RAD51C: variants seen among roughly 807,000 people sequenced by gnomAD.
The protein encoded by RAD51C is DNA repair protein RAD51 homolog 3.
RAD51C carries 42 observed loss-of-function variants against 45.0 expected under a neutral mutation model. The observed-to-expected ratio is 0.93, with a 90% CI of 0.73 to 1.21. RAD51C has a LOEUF of 1.21. Ranked by LOEUF, RAD51C falls within the 50% of genes most tolerant of loss-of-function variation. RAD51C has a pLI of 0.00. For missense variants in RAD51C, 474 were observed against 452.2 expected (o/e 1.05, Z -0.44); for synonymous variants, 172 against 159.8 (o/e 1.08, Z -0.58).
Position 58,734,179 on chromosome 17 carries a change from T to C in RAD51C, c.1088T>C (p.Leu363Ser), listed in dbSNP as rs2144062004. ...SACSLQTEGS[L>S]STRKRSRDPE... ...TGTTCATTGCAAACAGAAGGTTCCT[T>C]GAGCACCCGGAAACGGTCACGAGAC... Residue 363 changes from leucine (L) to serine (S), a missense_variant, in exon 9 of 9, where the codon TTG becomes TCG. Leu to Ser is a moderately radical substitution (Grantham distance 145). Transcript: ENST00000337432. The C allele has an allele frequency of 6.2e-7, 1 of 1,613,666 alleles. No individual in the cohort carries two copies. Among genetic ancestry groups the C allele is most frequent in the Non-Finnish European group, 8.5e-7 (1 of 1,179,776 alleles).
chr17:58,695,907 AAAT>A (rs2047986681), intron 2 of RAD51C, among the ~76,000 whole-genome samples: 1 of 151,634 alleles, frequency 6.6e-6, no homozygotes, highest in Admixed American at 6.6e-5. Context: ...TCTCTACTAA[AAAT>A]AAAAAAATTA....
At chr17:58,734,037 A>G in intron 8 of RAD51C, 81 bp from the exon 9 acceptor site, 3 of 1,538,160 alleles carry the variant, frequency 2.0e-6, no homozygotes, top group Non-Finnish European at 2.6e-6. Context: ...TAGCTTTCTT[A>G]TTAGTTACTT....
At chr17:58,729,429 G>C (rs2049318092) in intron 7 of RAD51C, among the ~76,000 whole-genome samples, 1 of 151,842 alleles carries the variant, frequency 6.6e-6, no homozygotes, top group African/African-American at 2.4e-5. Context: ...ATGTTGGTCA[G>C]GCTGGCCTCG....
At chr17:58,699,393 A>AT (rs997098301) in intron 3 of RAD51C, among the ~76,000 whole-genome samples, 29 of 151,238 alleles carry the variant, frequency 1.9e-4, no homozygotes, top group African/African-American at 7.0e-4. Context: ...AATGCTTTTC[A>AT]TAAGATTTCC....
chr17:58,710,812 ACTC>A (rs2143863574), intron 5 of RAD51C, among the ~76,000 whole-genome samples: 1 of 151,856 alleles, frequency 6.6e-6, no homozygotes, highest in Admixed American at 6.6e-5. Context: ...GTTTTACCTC[ACTC>A]CTCTTTAACT....
intron 5 of RAD51C, among the ~76,000 whole-genome samples, chr17:58,716,472 A>AT (rs796814098): frequency 1.3e-5 from 2 of 151,588 alleles, no homozygotes; most frequent in East Asian, 1.9e-4. Flanking sequence ...TTTTTTATTT[A>AT]TTTTTTTTGA....
chr17:58,723,359 A>G (rs1455297960), intron 6 of RAD51C, among the ~76,000 whole-genome samples: 1 of 152,052 alleles, frequency 6.6e-6, no homozygotes, highest in Non-Finnish European at 1.5e-5. Context: ...GAATATACAA[A>G]TGAAAATGTA....
rs2143799278 is a variant in RAD51C, at chr17:58,703,269, C to G, written c.645C>G (p.Asp215Glu). Residue 215 changes from aspartate (D) to glutamate (E), a missense_variant, in exon 4 of 9, where the codon GAC becomes GAG. Coordinates refer to ENST00000337432, the MANE Select transcript of RAD51C (RefSeq NM_058216.3). ...ATATTTATTATTTTCGCTGTCGTGA[C>G]TACACAGAGTTACTGGCACAAGTTT... ...LSHIYYFRCR[D>E]YTELLAQVYL... 6.2e-7 allele frequency: 1 copy of G among 1,609,490 alleles called. No individual in the cohort carries two copies. Among genetic ancestry groups the G allele is most frequent in the Non-Finnish European group, 8.5e-7 (1 of 1,176,022 alleles).
rs941631413 is a variant in RAD51C at position 58,692,621 on chromosome 17, C to T, written c.-23C>T. 1.5e-5 allele frequency: 25 copies of T among 1,613,360 alleles called. No individual in the cohort carries two copies. Among genetic ancestry groups the T allele is most frequent in the Admixed American group, 5.0e-5 (3 of 59,996 alleles). ...GAGGGCGTGCGGAGTTTGGCTGCTC[C>T]GGGGTTAGCAGGTGAGCCTGCGATG... On this transcript the variant is annotated 5_prime_UTR_variant, in exon 1 of 9. Coordinates refer to ENST00000337432, the MANE Select transcript of RAD51C (RefSeq NM_058216.3).
At chr17:58,727,863 G>T (rs989208094) in intron 7 of RAD51C, among the ~76,000 whole-genome samples, 6 of 151,772 alleles carry the variant, frequency 4.0e-5, no homozygotes, top group Non-Finnish European at 8.8e-5. Context: ...TGGAAGTCAG[G>T]GTGGCAGTGA....
At chr17:58,725,709 A>C (rs1317008956) in intron 7 of RAD51C, among the ~76,000 whole-genome samples, 1 of 152,162 alleles carries the variant, frequency 6.6e-6, no homozygotes, top group Non-Finnish European at 1.5e-5. Context: ...AAACTAAAGT[A>C]CATGGCCGGA....
chr17:58,733,713 A>G (rs1367564808), intron 8 of RAD51C, among the ~76,000 whole-genome samples: 1 of 152,132 alleles, frequency 6.6e-6, no homozygotes, highest in Non-Finnish European at 1.5e-5. Context: ...ATAAATTTCT[A>G]TCTCAAGAAC....
chr17:58,721,267 G>C (rs2048908980), intron 6 of RAD51C, among the ~76,000 whole-genome samples: 1 of 151,750 alleles, frequency 6.6e-6, no homozygotes, highest in Admixed American at 6.6e-5. Context: ...GGGGGACAGA[G>C]TAAGACTCTC....
intron 8 of RAD51C, among the ~76,000 whole-genome samples, chr17:58,733,064 G>A (rs1265166764): frequency 2.0e-5 from 3 of 151,970 alleles, no homozygotes; most frequent in Non-Finnish European, 2.9e-5. Flanking sequence ...CGCCCAGGCT[G>A]GAGTGCAGCG....
At chr17:58,713,733 G>A (rs528406785) in intron 5 of RAD51C, among the ~76,000 whole-genome samples, 1 of 152,134 alleles carries the variant, frequency 6.6e-6, no homozygotes, top group South Asian at 2.1e-4. Flanking sequence ...ACTTGAACTC[G>A]GGAGGTGGAG....
intron 5 of RAD51C, among the ~76,000 whole-genome samples, chr17:58,719,110 G>A (rs1307939353): frequency 6.6e-6 from 1 of 152,180 alleles, no homozygotes; most frequent in Non-Finnish European, 1.5e-5. Context: ...TGTAATCCTA[G>A]CTACTTGGGA....
chr17:58,708,702 G>A (rs879612598), intron 4 of RAD51C, among the ~76,000 whole-genome samples: 1 of 84,460 alleles, frequency 1.2e-5, no homozygotes, highest in South Asian at 2.9e-4. Context: ...TTTTTGCTTT[G>A]GGGGGGGCTT....
Position 58,734,389 on chromosome 17 carries a change from T to C in RAD51C, c.*167T>C. On this transcript the variant is annotated 3_prime_UTR_variant, in exon 9 of 9. Transcript: ENST00000337432. Reference sequence around the variant, plus strand: ...CTAAATATGATTCTGTGAAAGTTTTTCTAAAGCAGTATTCTGCAATTATAT... The same window carrying C: ...CTAAATATGATTCTGTGAAAGTTTTCCTAAAGCAGTATTCTGCAATTATAT... 1 of 1,189,566 alleles carries C rather than the reference T, an allele frequency of 8.4e-7. No individual in the cohort carries two copies. The highest frequency in any genetic ancestry group is 1.2e-6 in the Non-Finnish European group (1 of 862,058). 73.7% of individuals were successfully genotyped at this position (1,189,566 alleles called of 1,614,324 possible).
chr17:58,725,258 A>C (rs1233915262), intron 7 of RAD51C, among the ~76,000 whole-genome samples: 1 of 152,102 alleles, frequency 6.6e-6, no homozygotes, highest in African/African-American at 2.4e-5. Flanking sequence ...AGTTCCTCCT[A>C]GTTTTGTAAG....
Sources: gnomAD v4.1 joint callset for allele counts (sites outside exome capture counted in the v4.1 genomes callset) on GRCh38, gnomAD v4.1.1 for gene constraint, MANE v1.5 for transcripts, NCBI Gene and HGNC (gene_info 2026-07-23, HGNC 2026-07-21) for gene names.